Variants in PDE1C observed in about 807,000 individuals in gnomAD.
The protein encoded by PDE1C is dual specificity calcium/calmodulin-dependent 3',5'-cyclic nucleotide phosphodiesterase 1C.
Under a neutral mutation model 93.1 loss-of-function variants are expected in PDE1C, and 62 were observed. The observed-to-expected ratio is 0.67, with a 90% CI of 0.54 to 0.82. PDE1C has a LOEUF of 0.82. Ranked by LOEUF, PDE1C falls within the 40% of genes least tolerant of loss-of-function variation. The pLI, the probability that PDE1C is intolerant of heterozygous loss-of-function variation, is 0.00. For missense variants in PDE1C, 742 were observed against 884.6 expected, an observed-to-expected ratio of 0.84 and a Z score of 2.04; for synonymous variants, 325 against 310.1, an observed-to-expected ratio of 1.05 and a Z score of -0.50.
At chr7:31,726,927 C>A in the PDE1C span, among the ~76,000 whole-genome samples, 56 of 152,068 alleles carry the variant, frequency 3.7e-4, 1 homozygote, top group African/African-American at 1.3e-3. Context: ...CCCAGCTATT[C>A]GGGAGGCCTG....
intron 7 of PDE1C, among the ~76,000 whole-genome samples, chr7:31,853,403 CAGAG>C (rs1158970680): frequency 1.3e-5 from 2 of 152,076 alleles, no homozygotes; most frequent in Admixed American, 6.5e-5. Flanking sequence ...GAAAATTTGA[CAGAG>C]AAAGAAATGA....
intron 3 of PDE1C, among the ~76,000 whole-genome samples, chr7:32,107,303 A>C (rs1382205243): frequency 6.8e-6 from 1 of 147,764 alleles, no homozygotes; most frequent in Non-Finnish European, 1.5e-5. Context: ...GGAGGGAGGA[A>C]AGGAAGGAAA....
chr7:32,129,221 A>G (rs1048152647), intron 3 of PDE1C, among the ~76,000 whole-genome samples: 1 of 151,622 alleles, frequency 6.6e-6, no homozygotes, highest in African/African-American at 2.4e-5. Context: ...AAAAAATGGT[A>G]GAGACCACCA....
At chr7:32,028,495 T>C (rs1789791700) in intron 2 of PDE1C, among the ~76,000 whole-genome samples, 1 of 152,114 alleles carries the variant, frequency 6.6e-6, no homozygotes, top group Non-Finnish European at 1.5e-5. Flanking sequence ...CTTCAGTTTC[T>C]TATTGTTATT....
intron 7 of PDE1C, among the ~76,000 whole-genome samples, chr7:31,856,928 C>A (rs1360016118): frequency 6.6e-6 from 1 of 152,154 alleles, no homozygotes; most frequent in African/African-American, 2.4e-5. Flanking sequence ...AGACCTCTCT[C>A]CTTGCCTTGC....
chr7:31,719,441 A>AT, the PDE1C span, among the ~76,000 whole-genome samples: 1 of 152,132 alleles, frequency 6.6e-6, no homozygotes, highest in Non-Finnish European at 1.5e-5. Flanking sequence ...TCAAAAAAGG[A>AT]TTTTTTCCAC....
intron 2 of PDE1C, among the ~76,000 whole-genome samples, chr7:32,011,396 G>C (rs1258594257): frequency 6.6e-6 from 1 of 151,986 alleles, no homozygotes; most frequent in Non-Finnish European, 1.5e-5. Context: ...GTTTTGCCGT[G>C]TTAGCCAGGA....
At chr7:32,269,522 C>T (rs1400913647) in intron 1 of PDE1C, among the ~76,000 whole-genome samples, 3 of 152,078 alleles carry the variant, frequency 2.0e-5, no homozygotes, top group Non-Finnish European at 4.4e-5. Context: ...CTCTGTCACC[C>T]AGGCAAGAGT....
the PDE1C span, chr7:31,652,709 T>A: frequency 6.2e-7 from 1 of 1,613,796 alleles, no homozygotes; most frequent in African/African-American, 1.3e-5. Flanking sequence ...CTGCCTTCAC[T>A]CCACCCACCT....
intron 3 of PDE1C, among the ~76,000 whole-genome samples, chr7:32,104,002 A>C (rs1250613374): frequency 6.6e-6 from 1 of 152,192 alleles, no homozygotes; most frequent in African/African-American, 2.4e-5. Context: ...AAAGACAAAG[A>C]CATGGAAAAT....
the PDE1C span, among the ~76,000 whole-genome samples, chr7:31,720,036 G>C: frequency 6.6e-6 from 1 of 151,244 alleles, no homozygotes; most frequent in African/African-American, 2.4e-5. Flanking sequence ...GGTGGCGGGC[G>C]CCTGTAGTCC....
the PDE1C span, among the ~76,000 whole-genome samples, chr7:31,708,794 A>C: frequency 6.6e-6 from 1 of 152,142 alleles, no homozygotes; most frequent in Non-Finnish European, 1.5e-5. Flanking sequence ...CCCCACCTGG[A>C]GTATATCATC....
intron 2 of PDE1C, among the ~76,000 whole-genome samples, chr7:31,980,805 C>A (rs1812276224): frequency 6.6e-6 from 1 of 152,184 alleles, no homozygotes; most frequent in Non-Finnish European, 1.5e-5. Flanking sequence ...AGACCACCCA[C>A]CTTCCTGGGC....
upstream of PDE1C, chr7:32,428,150 A>C (rs1345591027): frequency 1.3e-5 from 2 of 152,300 alleles, no homozygotes; most frequent in African/African-American, 4.8e-5. Flanking sequence ...GCCGGGCCGG[A>C]CCCAGGTGAG....
At chr7:32,084,100 G>A (rs1388320808) in intron 3 of PDE1C, among the ~76,000 whole-genome samples, 1 of 152,074 alleles carries the variant, frequency 6.6e-6, no homozygotes, top group Non-Finnish European at 1.5e-5. Flanking sequence ...CTGTATTCAG[G>A]AAACCCATCT....
intron 1 of PDE1C, among the ~76,000 whole-genome samples, chr7:32,312,507 A>G (rs370675772): frequency 7.2e-4 from 109 of 152,320 alleles, no homozygotes; most frequent in Non-Finnish European, 1.2e-3. Context: ...TTCAAACTAT[A>G]CTACAAGGCT....
chr7:32,280,967 A>G (rs537778982), intron 1 of PDE1C, among the ~76,000 whole-genome samples: 1 of 152,352 alleles, frequency 6.6e-6, no homozygotes, highest in Non-Finnish European at 1.5e-5. Context: ...ACTGGGCAAC[A>G]GAGTGAGACT....
intron 2 of PDE1C, among the ~76,000 whole-genome samples, chr7:32,023,909 CT>C (rs1458382169): frequency 6.6e-6 from 1 of 152,030 alleles, no homozygotes; most frequent in Non-Finnish European, 1.5e-5. Flanking sequence ...CTGGGGAAAT[CT>C]GAAAAAGCTC....
chr7:32,170,722 T>C (rs1802591307), intron 2 of PDE1C, among the ~76,000 whole-genome samples: 1 of 152,194 alleles, frequency 6.6e-6, no homozygotes, highest in East Asian at 1.9e-4. Flanking sequence ...ATAGTATGCC[T>C]GAGTCACCTG....
Sources: gnomAD v4.1 joint callset for allele counts (sites outside exome capture counted in the v4.1 genomes callset) on GRCh38, gnomAD v4.1.1 for gene constraint, MANE v1.5 for transcripts, NCBI Gene and HGNC (gene_info 2026-07-23, HGNC 2026-07-21) for gene names.